Variants in FGGY observed in about 807,000 individuals in gnomAD.
The protein encoded by FGGY is FGGY carbohydrate kinase domain-containing protein.
FGGY carries 72 observed loss-of-function variants against 71.3 expected under a neutral mutation model. The observed-to-expected ratio is 1.01, with a 90% CI of 0.84 to 1.23. The LOEUF is 1.23. FGGY is among the 50% of genes most tolerant of loss of function. The pLI is 0.00. For missense variants in FGGY, 668 were observed against 682.3 expected (o/e 0.98, Z 0.23); for synonymous variants, 251 against 250.3 (o/e 1.00, Z -0.02).
At chr1:59,726,219 A>G (rs2097946276) in intron 14 of FGGY, among the ~76,000 whole-genome samples, 1 of 152,078 alleles carries the variant, frequency 6.6e-6, no homozygotes, top group Non-Finnish European at 1.5e-5. Context: ...TGTTGATGTA[A>G]TGGATTACAT....
chr1:59,636,053 A>G (rs1182250589), intron 10 of FGGY, among the ~76,000 whole-genome samples: 17 of 152,212 alleles, frequency 1.1e-4, no homozygotes, highest in Admixed American at 3.9e-4. Flanking sequence ...GTAGTTGTTA[A>G]GCCTTTTCCC....
At chr1:59,687,310 T>C (rs2097551316) in intron 14 of FGGY, among the ~76,000 whole-genome samples, 1 of 152,164 alleles carries the variant, frequency 6.6e-6, no homozygotes, top group Non-Finnish European at 1.5e-5. Context: ...TGGTTTCCGT[T>C]CTATACTGAC....
intron 14 of FGGY, among the ~76,000 whole-genome samples, chr1:59,698,289 G>A (rs1441470334): frequency 6.6e-6 from 1 of 152,098 alleles, no homozygotes; most frequent in Non-Finnish European, 1.5e-5. Context: ...AAAACACTGA[G>A]TAGAACTCTA....
At chr1:59,640,130 A>G (rs1572478570) in intron 11 of FGGY, among the ~76,000 whole-genome samples, 2 of 152,308 alleles carry the variant, frequency 1.3e-5, no homozygotes, top group African/African-American at 2.4e-5. Context: ...CATACCTCAT[A>G]TATCACTTGG....
intron 4 of FGGY, among the ~76,000 whole-genome samples, chr1:59,361,733 A>G (rs77288085): frequency 0.024 from 3,728 of 152,246 alleles, 176 homozygotes; most frequent in African/African-American, 0.086. Context: ...CGACTCTTCT[A>G]TCTCAAAGAC....
At position 59,660,215 on chromosome 1, in the gene FGGY, G is replaced by C. The variant is rs769385606; in HGVS notation, c.1222-4G>C. 6.2e-6 allele frequency: 10 copies of C among 1,613,122 alleles called. No individual in the cohort carries two copies. The South Asian group carries it at 1.1e-4, about 18-fold the overall frequency. ...TTCTTCTTTTCTTCCCTTCATGCCT[G>C]CAGGTCACCGGATTGAAACTGTCTC... On this transcript the variant is annotated splice_polypyrimidine_tract_variant and splice_region_variant and intron_variant, in intron 11 of 15. Coordinates refer to ENST00000303721, the MANE Select transcript of FGGY (RefSeq NM_018291.5).
At chr1:59,369,115 C>T (rs1287383449) in intron 4 of FGGY, among the ~76,000 whole-genome samples, 1 of 152,174 alleles carries the variant, frequency 6.6e-6, no homozygotes, top group East Asian at 1.9e-4. Flanking sequence ...CGAGGCATTG[C>T]CTCACTCGGA....
intron 7 of FGGY, among the ~76,000 whole-genome samples, chr1:59,515,869 G>C (rs2094633518): frequency 6.6e-6 from 1 of 152,140 alleles, no homozygotes; most frequent in African/African-American, 2.4e-5. Flanking sequence ...ATGGACTAAT[G>C]CAGTAAGTTA....
chr1:59,472,145 A>T (rs1254601945), intron 6 of FGGY, among the ~76,000 whole-genome samples: 1 of 152,106 alleles, frequency 6.6e-6, no homozygotes, highest in Non-Finnish European at 1.5e-5. Context: ...CGCGGGCGGG[A>T]ACCGGGGCTG....
At chr1:59,408,462 CAT>C (rs1293547096) in intron 5 of FGGY, among the ~76,000 whole-genome samples, 1 of 152,140 alleles carries the variant, frequency 6.6e-6, no homozygotes, top group Non-Finnish European at 1.5e-5. Context: ...GCTTAAAAAA[CAT>C]AACAGCATTT....
chr1:59,646,859 T>TA (rs2097099921), intron 11 of FGGY, among the ~76,000 whole-genome samples: 1 of 152,168 alleles, frequency 6.6e-6, no homozygotes, highest in Non-Finnish European at 1.5e-5. Flanking sequence ...AAAAGAAAAA[T>TA]AAAAAACTAG....
chr1:59,419,395 T>G (rs1174028158), intron 5 of FGGY, among the ~76,000 whole-genome samples: 3 of 152,190 alleles, frequency 2.0e-5, no homozygotes, highest in Non-Finnish European at 4.4e-5. Flanking sequence ...AAGCTGATAA[T>G]TCTTATCCTG....
intron 5 of FGGY, among the ~76,000 whole-genome samples, chr1:59,404,206 G>A (rs1001939409): frequency 3.3e-5 from 5 of 151,878 alleles, no homozygotes; most frequent in African/African-American, 1.2e-4. Context: ...GGAGCCTGTC[G>A]GGGGGCGGGG....
At chr1:59,576,644 G>A (rs1257742808) in intron 8 of FGGY, among the ~76,000 whole-genome samples, 1 of 150,094 alleles carries the variant, frequency 6.7e-6, no homozygotes, top group African/African-American at 2.5e-5. Context: ...AGTGATATTT[G>A]CTAGAGATTA....
intron 3 of FGGY, among the ~76,000 whole-genome samples, chr1:59,341,105 G>C (rs1441132533): frequency 6.6e-6 from 1 of 152,200 alleles, no homozygotes; most frequent in African/African-American, 2.4e-5. Context: ...AGTGGAATTA[G>C]AGTTAGGCGG....
At chr1:59,417,370 T>C (rs983890245) in intron 5 of FGGY, among the ~76,000 whole-genome samples, 1 of 152,262 alleles carries the variant, frequency 6.6e-6, no homozygotes, top group Non-Finnish European at 1.5e-5. Flanking sequence ...TTTTAGTTAC[T>C]GTGACTAATG....
chr1:59,452,059 A>G (rs1340272048), intron 5 of FGGY, among the ~76,000 whole-genome samples: 2 of 149,686 alleles, frequency 1.3e-5, no homozygotes, highest in Admixed American at 6.6e-5. Context: ...TAATTACAGT[A>G]TCTCCCTCAT....
chr1:59,621,192 T>C (rs1178319273), intron 9 of FGGY, among the ~76,000 whole-genome samples: 1 of 152,058 alleles, frequency 6.6e-6, no homozygotes, highest in African/African-American at 2.4e-5. Flanking sequence ...CATGAGCTGT[T>C]TAACCTTAAT....
At chr1:59,348,475 C>T (rs1267225995) in intron 4 of FGGY, among the ~76,000 whole-genome samples, 1 of 152,014 alleles carries the variant, frequency 6.6e-6, no homozygotes, top group Non-Finnish European at 1.5e-5. Flanking sequence ...CTTAATGGTT[C>T]CCATTAGAGA....
Sources: allele counts gnomAD v4.1 joint callset (sites outside exome capture counted in the v4.1 genomes callset), GRCh38; gene constraint gnomAD v4.1.1; transcripts MANE v1.5; gene names NCBI Gene and HGNC (gene_info 2026-07-23, HGNC 2026-07-21).